RGL1: variants seen among roughly 807,000 people sequenced by gnomAD.
RGL1 encodes the protein ral guanine nucleotide dissociation stimulator like 1.
A neutral mutation model predicts 95.2 loss-of-function variants in RGL1; 24 were observed. That is an observed-to-expected ratio of 0.25 (90% confidence interval 0.18 to 0.35). The LOEUF (loss-of-function observed/expected upper bound fraction) is 0.35. RGL1 is among the 10% of genes least tolerant of loss of function. The pLI, the probability that RGL1 is intolerant of heterozygous loss-of-function variation, is 1.00. For synonymous variants in RGL1, 329 were observed against 344.9 expected, an observed-to-expected ratio of 0.95 and a Z score of 0.51; for missense variants, 715 against 936.3, an observed-to-expected ratio of 0.76 and a Z score of 3.08.
chr1:183,817,444 T>G (rs1268315548), intron 2 of RGL1, among the ~76,000 whole-genome samples: 1 of 152,200 alleles, frequency 6.6e-6, no homozygotes, highest in Non-Finnish European at 1.5e-5. Flanking sequence ...GTTCCTTTTT[T>G]TGTTCCTGTT....
chr1:183,648,188 G>C, intron 1 of RGL1: 1 of 1,614,196 alleles, frequency 6.2e-7, no homozygotes, highest in East Asian at 2.2e-5. Context: ...TAAAGCTGTG[G>C]AGAACAGAAT....
At chr1:183,684,726 C>T (rs1051606259) in intron 1 of RGL1, among the ~76,000 whole-genome samples, 6 of 152,148 alleles carry the variant, frequency 3.9e-5, no homozygotes, top group South Asian at 2.1e-4. Flanking sequence ...TGTAGGGACC[C>T]GAGGGAATCT....
intron 2 of RGL1, among the ~76,000 whole-genome samples, chr1:183,812,935 G>A (rs1455821672): frequency 6.6e-6 from 1 of 152,180 alleles, no homozygotes; most frequent in Admixed American, 6.5e-5. Context: ...CCAAGAACCT[G>A]GAATGCTAAG....
intron 1 of RGL1, among the ~76,000 whole-genome samples, chr1:183,727,217 G>A (rs938126279): frequency 3.3e-5 from 5 of 152,064 alleles, no homozygotes; most frequent in Admixed American, 6.6e-5. Context: ...CAAAATTAAT[G>A]AATGTAGTTC....
At position 183,821,451 on chromosome 1, in the gene RGL1, C is replaced by T. The variant is rs190743436; in HGVS notation, c.138+14966C>T. Among the ~76,000 whole-genome samples the T allele has an allele frequency of 3.3e-5, 5 of 152,214 alleles. No homozygotes were observed. The East Asian group carries it at 9.7e-4, about 29-fold the overall frequency. ...ATGTAAAATGTATTTTTTCTTTTTA[C>T]TATGAATCATGGCTAAAAAGTTTGA... On this transcript the variant is annotated intron_variant, in intron 2 of 17. Coordinates refer to ENST00000360851, the MANE Select transcript of RGL1 (RefSeq NM_001297671.3).
chr1:183,836,234 C>G (rs1156290045), intron 2 of RGL1, among the ~76,000 whole-genome samples: 2 of 151,912 alleles, frequency 1.3e-5, no homozygotes, highest in Non-Finnish European at 2.9e-5. Context: ...AGAAAAAAAG[C>G]CAGTTTAGTG....
intron 1 of RGL1, among the ~76,000 whole-genome samples, chr1:183,673,030 C>G (rs1008018867): frequency 6.6e-6 from 1 of 152,198 alleles, no homozygotes; most frequent in Admixed American, 6.5e-5. Flanking sequence ...ATTAGCTATT[C>G]TTCCTGGTGT....
At chr1:183,712,748 T>C (rs147975497) in intron 1 of RGL1, among the ~76,000 whole-genome samples, 2 of 152,368 alleles carry the variant, frequency 1.3e-5, no homozygotes, top group East Asian at 1.9e-4. Context: ...TAGTCTCATA[T>C]AGACCTTAAT....
chr1:183,897,731 G>T (rs1667784733), intron 9 of RGL1, 77 bp from the exon 10 acceptor site: 1 of 1,093,476 alleles, frequency 9.1e-7, no homozygotes, highest in Non-Finnish European at 1.4e-6. Flanking sequence ...TTGTGTGCGA[G>T]AAACTAGATG....
intron 2 of RGL1, among the ~76,000 whole-genome samples, chr1:183,798,285 G>A (rs1384556243): frequency 2.0e-5 from 3 of 152,126 alleles, no homozygotes; most frequent in African/African-American, 4.8e-5. Context: ...ACAAAGCCAA[G>A]GCCTTCTCAT....
chr1:183,673,099 C>T (rs1652580772), intron 1 of RGL1, among the ~76,000 whole-genome samples: 1 of 152,128 alleles, frequency 6.6e-6, no homozygotes, highest in Admixed American at 6.5e-5. Context: ...CTTTAAATAT[C>T]AAGATGCCAG....
chr1:183,639,142 G>A (rs1365216855), intron 1 of RGL1, among the ~76,000 whole-genome samples: 1 of 152,054 alleles, frequency 6.6e-6, no homozygotes, highest in Non-Finnish European at 1.5e-5. Flanking sequence ...TTAGCTGGGG[G>A]TGGTGGTGCA....
chr1:183,793,305 A>C (rs1267407044), intron 2 of RGL1, among the ~76,000 whole-genome samples: 1 of 152,196 alleles, frequency 6.6e-6, no homozygotes, highest in Admixed American at 6.5e-5. Flanking sequence ...TTAAAGACTT[A>C]AACATAATTC....
intron 1 of RGL1, among the ~76,000 whole-genome samples, chr1:183,737,054 A>G (rs1656983086): frequency 6.6e-6 from 1 of 152,232 alleles, no homozygotes; most frequent in Admixed American, 6.5e-5. Flanking sequence ...TTACAAAATG[A>G]TGTATCAAAC....
chr1:183,872,535 A>G (rs1666241954), intron 4 of RGL1, among the ~76,000 whole-genome samples: 1 of 152,206 alleles, frequency 6.6e-6, no homozygotes, highest in Admixed American at 6.5e-5. Flanking sequence ...TTTCATTTCC[A>G]CATATTCAGA....
intron 4 of RGL1, among the ~76,000 whole-genome samples, chr1:183,871,304 C>CT (rs1375426193): frequency 1.3e-5 from 2 of 152,152 alleles, no homozygotes; most frequent in Non-Finnish European, 2.9e-5. Flanking sequence ...AAGAGCTGAG[C>CT]TAAAGCATTG....
At position 183,902,599 on chromosome 1, in the gene RGL1, G is replaced by A; in HGVS notation, c.1349G>A (p.Arg450Lys). Residue 450 changes from arginine (R) to lysine (K), a missense_variant and splice_region_variant, in exon 12 of 18, where the codon AGG becomes AAG. Physicochemically the swap from Arg to Lys is conservative, Grantham distance 26. This residue lies in a region of RGL1 where 330 missense variants were observed against 429.6 expected (regional missense o/e 0.77). Coordinates refer to ENST00000360851, the MANE Select transcript of RGL1 (RefSeq NM_001297671.3). ...CTGATAAACTTTGAGAAAAGGAGAA[G>A]GGTAAGTAGAGTTGTTGGCTGTGTT... ...GGLINFEKRR[R>K]EFEVIAQIKL... is the part of the protein sequence containing the mutation. The A allele has an allele frequency of 1.9e-6, 3 of 1,610,024 alleles. No homozygotes were observed. Among genetic ancestry groups the A allele is most frequent in the East Asian group, 2.2e-5 (1 of 44,792 alleles).
intron 1 of RGL1, among the ~76,000 whole-genome samples, chr1:183,651,152 TTTC>T (rs996086610): frequency 1.9e-4 from 29 of 152,344 alleles, no homozygotes; most frequent in Admixed American, 1.7e-3. Context: ...TGTGATTTTT[TTTC>T]TTATTGTATT....
chr1:183,906,985 C>T (rs764323721), intron 13 of RGL1, 27 bp from the exon 14 acceptor site: 8 of 1,376,320 alleles, frequency 5.8e-6, no homozygotes, highest in South Asian at 1.2e-5. Flanking sequence ...TAACTTTGAC[C>T]TCATGGAGCC....
Sources: gnomAD v4.1 joint callset for allele counts (sites outside exome capture counted in the v4.1 genomes callset) on GRCh38, gnomAD v4.1.1 for gene constraint, gnomAD v4.1.1 regional missense constraint, MANE v1.5 for transcripts, NCBI Gene and HGNC (gene_info 2026-07-23, HGNC 2026-07-21) for gene names.